ADAP2: variants seen among roughly 807,000 people sequenced by gnomAD.
ADAP2 encodes the protein ArfGAP with dual PH domains 2.
Under a neutral mutation model 54.9 loss-of-function variants are expected in ADAP2, and 42 were observed. The observed-to-expected ratio is 0.77, with a 90% CI of 0.60 to 0.99. The LOEUF is 0.99. Ranked by LOEUF, ADAP2 falls within the 50% of genes least tolerant of loss-of-function variation. The pLI is 0.00. For missense variants in ADAP2, 429 were observed against 480.4 expected (o/e 0.89, Z 1.00); for synonymous variants, 177 against 180.1 (o/e 0.98, Z 0.14).
At chr17:30,937,176 A>G (rs1169570097) in intron 5 of ADAP2, among the ~76,000 whole-genome samples, 1 of 151,312 alleles carries the variant, frequency 6.6e-6, no homozygotes, top group Non-Finnish European at 1.5e-5. Flanking sequence ...CACCCACCTC[A>G]CCCTCCCAAA....
chr17:30,932,634 G>A (rs1016861936), intron 4 of ADAP2, among the ~76,000 whole-genome samples: 1 of 150,432 alleles, frequency 6.6e-6, no homozygotes, highest in African/African-American at 2.5e-5. Flanking sequence ...GTGGAGTGCA[G>A]TAGCATGATC....
At chr17:30,926,673 C>T (rs1911077229) in intron 2 of ADAP2, 154 bp from the exon 3 acceptor site, 1 of 649,300 alleles carries the variant, frequency 1.5e-6, no homozygotes. Context: ...TTGTTACAGG[C>T]TGGGGCTTCC....
At chr17:30,956,141 T>C in intron 9 of ADAP2, 100 bp from the exon 10 acceptor site, 1 of 1,017,436 alleles carries the variant, frequency 9.8e-7, no homozygotes, top group South Asian at 1.5e-5. Flanking sequence ...AGCAGGGACC[T>C]CATACCCCTT....
At chr17:30,948,576 AAAAT>A (rs1904348640) in intron 6 of ADAP2, among the ~76,000 whole-genome samples, 1 of 152,156 alleles carries the variant, frequency 6.6e-6, no homozygotes, top group Admixed American at 6.6e-5. Context: ...CATCTAAAAA[AAAAT>A]AAATAAAGGA....
At position 30,924,113 on chromosome 17, in the gene ADAP2, C is replaced by G. The variant is rs1910852802; in HGVS notation, c.225+1043C>G. On this transcript the variant is annotated intron_variant, in intron 2 of 10. Coordinates refer to ENST00000330889, the MANE Select transcript of ADAP2 (RefSeq NM_018404.3). ...GTTGTACGGGTGTGGTGGCTCACAC[C>G]TATAATCCCAGCACTTTGGGGGGCT... Among the ~76,000 whole-genome samples the G allele has an allele frequency of 2.0e-5, 3 of 152,120 alleles. No individual in the cohort carries two copies. The South Asian group carries it at 6.2e-4, about 32-fold the overall frequency.
chr17:30,923,477 C>T (rs1290792271), intron 2 of ADAP2, among the ~76,000 whole-genome samples: 3 of 151,640 alleles, frequency 2.0e-5, no homozygotes, highest in African/African-American at 7.3e-5. Flanking sequence ...GTTGGTCACG[C>T]TGGTCTCGAA....
At chr17:30,924,056 G>T (rs183528216) in intron 2 of ADAP2, among the ~76,000 whole-genome samples, 163 of 152,160 alleles carry the variant, frequency 1.1e-3, no homozygotes, top group African/African-American at 3.9e-3. Context: ...GCTCAGTCCA[G>T]ACACAAAGAA....
intron 6 of ADAP2, among the ~76,000 whole-genome samples, chr17:30,947,428 A>T (rs993574009): frequency 5.9e-5 from 9 of 151,942 alleles, no homozygotes; most frequent in African/African-American, 2.2e-4. Flanking sequence ...ATCTCGGCTC[A>T]CTGCAACCTC....
intron 2 of ADAP2, among the ~76,000 whole-genome samples, chr17:30,925,203 T>G (rs1910947206): frequency 6.8e-6 from 1 of 146,262 alleles, no homozygotes; most frequent in Non-Finnish European, 1.5e-5. Context: ...TTTTTTTTTT[T>G]GAGATGCAGT....
At chr17:30,927,409 C>T (rs1377242598) in intron 3 of ADAP2, among the ~76,000 whole-genome samples, 1 of 151,790 alleles carries the variant, frequency 6.6e-6, no homozygotes, top group Non-Finnish European at 1.5e-5. Flanking sequence ...GTCAGGGGAT[C>T]GAGACCATTC....
chr17:30,949,412 C>T (rs750158858), intron 7 of ADAP2, 42 bp downstream of exon 7: 17 of 1,549,940 alleles, frequency 1.1e-5, no homozygotes, highest in African/African-American at 2.7e-5. Context: ...CTCCTCTTGG[C>T]CATCTCCTTC....
At chr17:30,954,047 T>C (rs553082954) in intron 8 of ADAP2, among the ~76,000 whole-genome samples, 1 of 152,280 alleles carries the variant, frequency 6.6e-6, no homozygotes, top group East Asian at 1.9e-4. Flanking sequence ...AAAGGGTTGT[T>C]TTCAGAGAGG....
intron 6 of ADAP2, 25 bp from the exon 7 acceptor site, chr17:30,949,262 G>A (rs1335475988): frequency 1.9e-6 from 3 of 1,602,736 alleles, no homozygotes; most frequent in Admixed American, 3.3e-5. Context: ...TGCTGTGTGT[G>A]TGTCCTGTGC....
intron 3 of ADAP2, among the ~76,000 whole-genome samples, chr17:30,929,422 A>G: frequency 6.6e-6 from 1 of 152,202 alleles, no homozygotes; most frequent in East Asian, 1.9e-4. Flanking sequence ...CTTTGCTCCA[A>G]GTGCTCAGTG....
chr17:30,935,741 A>G (rs1462692929), intron 5 of ADAP2, among the ~76,000 whole-genome samples: 1 of 152,198 alleles, frequency 6.6e-6, no homozygotes, highest in South Asian at 2.1e-4. Context: ...CGACTTAACC[A>G]TAAGCTGCAA....
chr17:30,922,223 C>G, intron 1 of ADAP2, 115 bp downstream of exon 1: 1 of 735,110 alleles, frequency 1.4e-6, no homozygotes, highest in Non-Finnish European at 1.8e-6. Flanking sequence ...CCAGACGTGG[C>G]ACCTGCGGGC....
At chr17:30,932,811 G>T (rs1911594870) in intron 4 of ADAP2, among the ~76,000 whole-genome samples, 1 of 151,302 alleles carries the variant, frequency 6.6e-6, no homozygotes, top group African/African-American at 2.4e-5. Context: ...CTCATGATCT[G>T]CCCACCTTAG....
At chr17:30,941,596 G>A (rs750617459) in intron 5 of ADAP2, among the ~76,000 whole-genome samples, 17 of 152,204 alleles carry the variant, frequency 1.1e-4, no homozygotes, top group Admixed American at 7.2e-4. Context: ...GTTATAACAA[G>A]TTAGTATGAG....
intron 5 of ADAP2, among the ~76,000 whole-genome samples, chr17:30,937,958 T>C (rs1397810579): frequency 1.3e-5 from 2 of 152,196 alleles, no homozygotes; most frequent in Non-Finnish European, 2.9e-5. Context: ...AGAAGTTGGA[T>C]GTCTGATTTG....
Sources: allele counts gnomAD v4.1 joint callset (sites outside exome capture counted in the v4.1 genomes callset), GRCh38; gene constraint gnomAD v4.1.1; transcripts MANE v1.5; gene names NCBI Gene and HGNC (gene_info 2026-07-23, HGNC 2026-07-21).